SCFD2: variants seen among roughly 807,000 people sequenced by gnomAD.
SCFD2 encodes sec1 family domain containing 2.
In SCFD2, 54 loss-of-function variants were observed where a neutral mutation model predicts 58.9. The observed-to-expected ratio is 0.92, with a 90% CI of 0.74 to 1.15. SCFD2 has a LOEUF of 1.15. SCFD2 is among the 50% of genes most tolerant of loss of function. The pLI, the probability that SCFD2 is intolerant of heterozygous loss-of-function variation, is 0.00. For synonymous variants in SCFD2, 321 were observed against 335.9 expected (o/e 0.96, Z 0.49); for missense variants, 805 against 836.6 (o/e 0.96, Z 0.47).
intron 5 of SCFD2, among the ~76,000 whole-genome samples, chr4:53,014,831 T>C (rs549121440): frequency 4.6e-5 from 7 of 152,292 alleles, no homozygotes; most frequent in Non-Finnish European, 8.8e-5. Context: ...AAAAACAGTG[T>C]CCTACATAGC....
At chr4:53,139,968 G>A (rs1331476667) in intron 5 of SCFD2, among the ~76,000 whole-genome samples, 2 of 150,990 alleles carry the variant, frequency 1.3e-5, no homozygotes, top group Non-Finnish European at 3.0e-5. Flanking sequence ...GATTAAGGGC[G>A]GTGCAAGATG....
At chr4:53,076,114 G>A (rs1461027878) in intron 5 of SCFD2, among the ~76,000 whole-genome samples, 1 of 152,108 alleles carries the variant, frequency 6.6e-6, no homozygotes, top group Non-Finnish European at 1.5e-5. Context: ...TGAAATCTGA[G>A]CCTAGAAAGG....
chr4:53,334,836 T>C (rs1409426384), intron 2 of SCFD2, among the ~76,000 whole-genome samples: 1 of 152,178 alleles, frequency 6.6e-6, no homozygotes, highest in Admixed American at 6.5e-5. Context: ...AATGCCTTCT[T>C]TATTCAAGTG....
At chr4:53,200,365 C>T (rs893367808) in intron 4 of SCFD2, among the ~76,000 whole-genome samples, 1 of 152,054 alleles carries the variant, frequency 6.6e-6, no homozygotes, top group African/African-American at 2.4e-5. Context: ...CTCACCACCA[C>T]CACCACCAAC....
rs566791998 is a variant in SCFD2 at position 53,152,480 on chromosome 4, T to C, written c.1312-6898A>G. Among the ~76,000 whole-genome samples the C allele has an allele frequency of 2.6e-5, 4 of 152,346 alleles. No individual in the cohort carries two copies. In the South Asian group the frequency reaches 8.3e-4, roughly 32 times the overall value. ...TAACATAAACACTATTAAAACCTGT[T>C]TTGTGACATCCACTAAAGCTGAACA... On this transcript the variant is annotated intron_variant, in intron 4 of 8. Transcript: ENST00000401642.
chr4:53,315,896 T>G (rs1266002713), intron 2 of SCFD2, among the ~76,000 whole-genome samples: 1 of 152,156 alleles, frequency 6.6e-6, no homozygotes, highest in Non-Finnish European at 1.5e-5. Context: ...ATCAGATTGG[T>G]GTAGTGGTTT....
intron 5 of SCFD2, among the ~76,000 whole-genome samples, chr4:53,095,136 C>T (rs1306541496): frequency 1.3e-5 from 2 of 152,044 alleles, no homozygotes; most frequent in African/African-American, 4.8e-5. Context: ...ATACTCAATC[C>T]CTTAGTGATA....
chr4:53,335,217 C>CAACA (rs1733643741), intron 2 of SCFD2, among the ~76,000 whole-genome samples: 3 of 115,090 alleles, frequency 2.6e-5, no homozygotes, highest in Admixed American at 1.8e-4. Context: ...AAAAAAACAA[C>CAACA]AAAAAAAAAA....
intron 5 of SCFD2, among the ~76,000 whole-genome samples, chr4:53,065,931 C>A (rs978677827): frequency 7.9e-5 from 12 of 152,046 alleles, no homozygotes; most frequent in African/African-American, 2.7e-4. Context: ...ATACCACATG[C>A]TTTTCATCCA....
chr4:53,332,316 A>T (rs1020962733), intron 2 of SCFD2, among the ~76,000 whole-genome samples: 29 of 151,880 alleles, frequency 1.9e-4, no homozygotes, highest in Non-Finnish European at 3.8e-4. Flanking sequence ...TTAGACCAAT[A>T]GCCTTGATGA....
At chr4:53,255,350 G>A (rs1275439674) in intron 4 of SCFD2, among the ~76,000 whole-genome samples, 1 of 152,112 alleles carries the variant, frequency 6.6e-6, no homozygotes, top group African/African-American at 2.4e-5. Context: ...CTAGGCAGAG[G>A]ACCCTGCGGC....
At chr4:53,213,234 A>T (rs1301863231) in intron 4 of SCFD2, among the ~76,000 whole-genome samples, 1 of 152,132 alleles carries the variant, frequency 6.6e-6, no homozygotes, top group African/African-American at 2.4e-5. Context: ...GCAAAAAGAG[A>T]TGATGAGTAA....
intron 4 of SCFD2, among the ~76,000 whole-genome samples, chr4:53,159,406 G>A (rs1421888499): frequency 6.6e-6 from 1 of 152,058 alleles, no homozygotes; most frequent in Non-Finnish European, 1.5e-5. Context: ...TCGTCTCCAG[G>A]GCTTCCCAGT....
In SCFD2 at chr4:53,357,896, G is replaced by A. The variant is rs199904644; in HGVS notation, c.839-5130C>T. ...ACACCCACATATGAGAGTAGTCACT[G>A]GAGCAAACTGCCAAGGTTCAAATCC... On this transcript the variant is annotated intron_variant, in intron 1 of 8. Coordinates refer to ENST00000401642, the MANE Select transcript of SCFD2 (RefSeq NM_152540.4). Among the ~76,000 whole-genome samples, 24 of 152,290 alleles carry A rather than the reference G, an allele frequency of 1.6e-4. No individual in the cohort carries two copies. The East Asian group carries it at 4.4e-3, about 28-fold the overall frequency.
intron 8 of SCFD2, among the ~76,000 whole-genome samples, chr4:52,876,439 A>C (rs969372504): frequency 1.3e-5 from 2 of 152,180 alleles, no homozygotes; most frequent in Non-Finnish European, 2.9e-5. Context: ...CTAGGAATTC[A>C]CAGACCACAA....
At chr4:53,215,291 G>A (rs953768669) in intron 4 of SCFD2, among the ~76,000 whole-genome samples, 2 of 152,086 alleles carry the variant, frequency 1.3e-5, no homozygotes, top group African/African-American at 2.4e-5. Context: ...ATGAGCATGG[G>A]ATGTTCTTCC....
At chr4:53,104,458 A>C (rs961641136) in intron 5 of SCFD2, among the ~76,000 whole-genome samples, 1 of 152,226 alleles carries the variant, frequency 6.6e-6, no homozygotes, top group Non-Finnish European at 1.5e-5. Flanking sequence ...AGAGAAGCCA[A>C]AGGTGACGTG....
At chr4:53,227,631 G>A (rs1183031593) in intron 4 of SCFD2, among the ~76,000 whole-genome samples, 2 of 152,164 alleles carry the variant, frequency 1.3e-5, no homozygotes, top group Non-Finnish European at 2.9e-5. Context: ...GCACTGGGAA[G>A]TCTAAACCCT....
chr4:53,307,506 TCA>T (rs1732553518), intron 3 of SCFD2, among the ~76,000 whole-genome samples: 2 of 152,100 alleles, frequency 1.3e-5, no homozygotes, highest in Non-Finnish European at 2.9e-5. Context: ...ATGTAACCCA[TCA>T]GTGAGGACCC....
Sources: allele counts gnomAD v4.1 joint callset (sites outside exome capture counted in the v4.1 genomes callset), GRCh38; gene constraint gnomAD v4.1.1; transcripts MANE v1.5; gene names NCBI Gene and HGNC (gene_info 2026-07-23, HGNC 2026-07-21).